Variants in KCNIP1 observed in about 807,000 individuals in gnomAD.
The protein encoded by KCNIP1 is potassium voltage-gated channel interacting protein 1, also known as A-type potassium channel modulatory protein KCNIP1.
KCNIP1 carries 18 observed loss-of-function variants against 33.0 expected under a neutral mutation model. That is an observed-to-expected ratio of 0.55 (90% CI 0.38 to 0.81). KCNIP1 has a LOEUF of 0.81. Ranked by LOEUF, KCNIP1 falls within the 30% of genes least tolerant of loss-of-function variation. The pLI is 0.00. For synonymous variants in KCNIP1, 93 were observed against 98.3 expected, an observed-to-expected ratio of 0.95 and a Z score of 0.32; for missense variants, 238 against 271.6, an observed-to-expected ratio of 0.88 and a Z score of 0.87.
chr5:170,456,253 G>C (rs1756371088), intron 1 of KCNIP1, among the ~76,000 whole-genome samples: 1 of 152,050 alleles, frequency 6.6e-6, no homozygotes, highest in Admixed American at 6.5e-5. Flanking sequence ...AGTGGGAGTT[G>C]AACAATGAGT....
At chr5:170,403,495 A>G (rs1754959907) in intron 1 of KCNIP1, among the ~76,000 whole-genome samples, 2 of 152,176 alleles carry the variant, frequency 1.3e-5, no homozygotes, top group African/African-American at 2.4e-5. Context: ...AGGCAGCATG[A>G]CCACAGGTCC....
chr5:170,611,417 C>G (rs1759147509), intron 1 of KCNIP1, among the ~76,000 whole-genome samples: 1 of 152,184 alleles, frequency 6.6e-6, no homozygotes, highest in Non-Finnish European at 1.5e-5. Flanking sequence ...TGAAAAGTAC[C>G]ACACTACGAA....
chr5:170,662,644 C>A (rs1458710631), intron 1 of KCNIP1, among the ~76,000 whole-genome samples: 1 of 152,238 alleles, frequency 6.6e-6, no homozygotes, highest in African/African-American at 2.4e-5. Flanking sequence ...TGTCCTGAAT[C>A]TCAAAGCCTA....
In KCNIP1 at chr5:170,682,784, C is replaced by CTTTTTTTTTTTTTTTTTTTTTTTTTTTT. The variant is rs70979196; in HGVS notation, c.62-35949_62-35948insTTTTTTTTTTTTTTTTTTTTTTTTTTTT. Among the ~76,000 whole-genome samples the CTTTTTTTTTTTTTTTTTTTTTTTTTTTT allele has an allele frequency of 1.1e-4, 8 of 71,390 alleles. 2 individuals carry two copies. Among genetic ancestry groups the CTTTTTTTTTTTTTTTTTTTTTTTTTTTT allele is most frequent in the Non-Finnish European group, 1.4e-4 (6 of 41,942 alleles). The allele number at this position is 71,390 out of a possible 152,430, so 46.8% of individuals were successfully genotyped here. On this transcript the variant is annotated intron_variant, in intron 1 of 7. Coordinates refer to ENST00000328939, the MANE Select transcript of KCNIP1 (RefSeq NM_014592.4). ...CAACAGCGTCCTATTTTCTTTGTTT[C>CTTTTTTTTTTTTTTTTTTTTTTTTTTTT]TTTTTTTTTTTTTTTTTTTTTTTTT...
intron 1 of KCNIP1, among the ~76,000 whole-genome samples, chr5:170,692,564 T>A (rs903023941): frequency 1.3e-5 from 2 of 152,216 alleles, no homozygotes; most frequent in East Asian, 3.8e-4. Flanking sequence ...TTCATGCACT[T>A]ACTCCCTGTG....
At chr5:170,476,807 T>G (rs1312333224) in intron 1 of KCNIP1, among the ~76,000 whole-genome samples, 1 of 152,190 alleles carries the variant, frequency 6.6e-6, no homozygotes, top group East Asian at 1.9e-4. Context: ...AGTCTCAAGA[T>G]CCTTCTATTC....
intron 1 of KCNIP1, among the ~76,000 whole-genome samples, chr5:170,427,819 A>G (rs1375175778): frequency 6.6e-6 from 1 of 152,204 alleles, no homozygotes; most frequent in Admixed American, 6.5e-5. Flanking sequence ...CCCAGAGACA[A>G]CTCTTCCCAT....
At chr5:170,675,866 T>C (rs1006960387) in intron 1 of KCNIP1, among the ~76,000 whole-genome samples, 1 of 152,136 alleles carries the variant, frequency 6.6e-6, no homozygotes, top group Non-Finnish European at 1.5e-5. Context: ...AAATATTTAT[T>C]GAGAAACTGC....
At chr5:170,709,967 A>T (rs1763389150) in intron 1 of KCNIP1, among the ~76,000 whole-genome samples, 1 of 152,080 alleles carries the variant, frequency 6.6e-6, no homozygotes, top group African/African-American at 2.4e-5. Context: ...CCTTGGGCTC[A>T]AGTGATTCTC....
At chr5:170,677,072 G>T (rs879637355) in intron 1 of KCNIP1, among the ~76,000 whole-genome samples, 2 of 152,116 alleles carry the variant, frequency 1.3e-5, no homozygotes, top group Non-Finnish European at 2.9e-5. Flanking sequence ...CTTGTCCATG[G>T]GGCCCAGCTG....
chr5:170,384,228 C>T (rs908850815), intron 1 of KCNIP1, among the ~76,000 whole-genome samples: 8 of 152,172 alleles, frequency 5.3e-5, no homozygotes, highest in East Asian at 1.9e-4. Flanking sequence ...GTGATTCTGA[C>T]GAGCAGCCAA....
intron 1 of KCNIP1, among the ~76,000 whole-genome samples, chr5:170,467,418 G>A (rs1248692634): frequency 6.6e-6 from 1 of 152,182 alleles, no homozygotes; most frequent in Non-Finnish European, 1.5e-5. Context: ...AAAGTTGGAG[G>A]ATCTTCACAA....
chr5:170,658,001 G>A (rs566639199), intron 1 of KCNIP1, among the ~76,000 whole-genome samples: 1 of 152,342 alleles, frequency 6.6e-6, no homozygotes, highest in East Asian at 1.9e-4. Context: ...TCTCTAAGAG[G>A]TATCTAAGCA....
chr5:170,374,316 G>A (rs1763930036), intron 1 of KCNIP1, among the ~76,000 whole-genome samples: 1 of 152,166 alleles, frequency 6.6e-6, no homozygotes, highest in South Asian at 2.1e-4. Flanking sequence ...GAGGGAGAAT[G>A]GCAAGAAGAC....
At chr5:170,678,838 G>A (rs10035609) in intron 1 of KCNIP1, 11,288 of 152,406 alleles carry the variant, frequency 0.074, 652 homozygotes, top group African/African-American at 0.16. Context: ...GAGTTGTTGG[G>A]AAGGAAGCAG....
chr5:170,417,567 C>A (rs1332183498), intron 1 of KCNIP1, among the ~76,000 whole-genome samples: 1 of 152,164 alleles, frequency 6.6e-6, no homozygotes, highest in African/African-American at 2.4e-5. Flanking sequence ...AAGTCACTGC[C>A]CCTCCCAAGG....
rs751855710 is a variant in KCNIP1 at position 170,378,936 on chromosome 5, G to A, written c.88+24972G>A. 154 of 1,614,022 alleles carry A rather than the reference G, an allele frequency of 9.5e-5. No individual in the cohort carries two copies. The highest frequency in any genetic ancestry group is 3.3e-4 in the Middle Eastern group (2 of 6,082). ...GACCTTCTCCACGTCGGCCCGGGCC[G>A]TCTGGTAATTGTCCACGCTGCCTGG... On this transcript the variant is annotated intron_variant, in intron 1 of 7. Coordinates refer to the KCNIP1 transcript ENST00000377360.
chr5:170,653,672 T>G (rs866969225), intron 1 of KCNIP1, among the ~76,000 whole-genome samples: 45 of 151,938 alleles, frequency 3.0e-4, no homozygotes, highest in African/African-American at 1.1e-3. Context: ...TTCAGGAAGC[T>G]CAGTCTCCTT....
chr5:170,504,780 C>T lies in KCNIP1; in HGVS notation c.61+147C>T, dbSNP rs576368588. Reference sequence around the variant, plus strand: ...GCTTGTATCCAAAGGAGAGAGAAATCGGCGGGAGGGCTGGTGTGAACACCC... The same window carrying T: ...GCTTGTATCCAAAGGAGAGAGAAATTGGCGGGAGGGCTGGTGTGAACACCC... On this transcript the variant is annotated intron_variant, in intron 1 of 7. Transcript: ENST00000328939. This position sits in a 1 kb window ranked among gnomAD's most constrained non-coding sequence, Gnocchi z 6.0. The T allele has an allele frequency of 3.4e-5, 24 of 703,410 alleles. No homozygotes were observed. The highest frequency in any genetic ancestry group is 3.3e-4 in the Admixed American group (13 of 39,986). The allele number at this position is 703,410 out of a possible 1,614,324, so 43.6% of individuals were successfully genotyped here.
Sources: gnomAD v4.1 joint callset for allele counts (sites outside exome capture counted in the v4.1 genomes callset) on GRCh38, gnomAD v4.1.1 for gene constraint, Gnocchi (gnomAD v3.1) non-coding constraint, MANE v1.5 for transcripts, NCBI Gene and HGNC (gene_info 2026-07-23, HGNC 2026-07-21) for gene names.